SSH2: variants seen among roughly 807,000 people sequenced by gnomAD.
SSH2 encodes the protein slingshot protein phosphatase 2, also known as protein phosphatase Slingshot homolog 2.
Under a neutral mutation model 135.2 loss-of-function variants are expected in SSH2, and 37 were observed. That is an observed-to-expected ratio of 0.27 (90% CI 0.21 to 0.36). The LOEUF is 0.36. Among genes scored for constraint, SSH2 ranks in the 10% least tolerant of loss-of-function variants. The probability of loss-of-function intolerance (pLI) is 1.00; values close to 1 mark genes in which losing one functional copy is unlikely to be tolerated. For synonymous variants in SSH2, 628 were observed against 646.2 expected (o/e 0.97, Z 0.43); for missense variants, 1,408 against 1,765.3 (o/e 0.80, Z 3.63).
At chr17:29,689,686 G>T (rs1477556989) in intron 5 of SSH2, among the ~76,000 whole-genome samples, 1 of 152,036 alleles carries the variant, frequency 6.6e-6, no homozygotes, top group Non-Finnish European at 1.5e-5. Context: ...GTCATCCCCT[G>T]CCTCTTTATT....
At chr17:29,831,809 C>T (rs988438043) in intron 2 of SSH2, among the ~76,000 whole-genome samples, 2 of 151,968 alleles carry the variant, frequency 1.3e-5, no homozygotes, top group African/African-American at 4.8e-5. Flanking sequence ...CAACTCCTGG[C>T]CTCAGGTGAT....
In SSH2 at chr17:29,881,424, A is replaced by G. The variant is rs555488089; in HGVS notation, c.64-32495T>C. ...GAATTGTGAACAATCTGTAGTGCCT[A>G]TTTTCCCTCCTGTCTTTCTTTTGTT... is the stretch of plus-strand genomic sequence containing the variant. On this transcript the variant is annotated intron_variant, in intron 1 of 15. Transcript: ENST00000540801. Among the ~76,000 whole-genome samples, 4 of 151,962 alleles carry G rather than the reference A, an allele frequency of 2.6e-5. No individual in the cohort carries two copies. In the East Asian group the frequency reaches 5.8e-4, roughly 22 times the overall value.
chr17:29,851,226 A>C (rs2065552527), intron 1 of SSH2, among the ~76,000 whole-genome samples: 1 of 152,160 alleles, frequency 6.6e-6, no homozygotes, highest in Non-Finnish European at 1.5e-5. Flanking sequence ...AATCTTCCCA[A>C]GCTCTCATAC....
chr17:29,720,009 T>C (rs991566189), intron 3 of SSH2, among the ~76,000 whole-genome samples: 1 of 152,238 alleles, frequency 6.6e-6, no homozygotes, highest in Non-Finnish European at 1.5e-5. Flanking sequence ...TTCACCTGCC[T>C]TGGCCTACTA....
chr17:29,795,927 G>A (rs527327705), intron 2 of SSH2, among the ~76,000 whole-genome samples: 1 of 152,236 alleles, frequency 6.6e-6, no homozygotes, highest in South Asian at 2.1e-4. Context: ...TTTTTTAGTA[G>A]AGATGGGGTT....
chr17:29,749,197 C>A (rs111806184), intron 3 of SSH2, among the ~76,000 whole-genome samples: 7 of 152,320 alleles, frequency 4.6e-5, no homozygotes, highest in South Asian at 2.1e-4. Context: ...TCTTTTCACA[C>A]AAGCCCACTA....
intron 2 of SSH2, among the ~76,000 whole-genome samples, chr17:29,818,150 ATTT>A: frequency 6.6e-6 from 1 of 151,362 alleles, no homozygotes; most frequent in Admixed American, 6.6e-5. Flanking sequence ...GTTATGCAGT[ATTT>A]TTATTTGTAT....
intron 14 of SSH2, among the ~76,000 whole-genome samples, chr17:29,637,202 A>G (rs919661130): frequency 6.6e-6 from 1 of 152,126 alleles, no homozygotes; most frequent in African/African-American, 2.4e-5. Flanking sequence ...AGGTTCAAGC[A>G]ATTCTCCCAC....
chr17:29,927,443 A>T (rs189279720), intron 1 of SSH2, among the ~76,000 whole-genome samples: 2 of 152,336 alleles, frequency 1.3e-5, no homozygotes, highest in Admixed American at 1.3e-4. Context: ...AAGAGCTGGC[A>T]GTATTAAAAT....
intron 5 of SSH2, among the ~76,000 whole-genome samples, chr17:29,691,682 G>A (rs1232995016): frequency 2.0e-5 from 3 of 151,608 alleles, no homozygotes; most frequent in Non-Finnish European, 4.4e-5. Flanking sequence ...AGTAGAGACG[G>A]GGTTTCGCCG....
In SSH2 at chr17:29,849,862, A is replaced by AG. The variant is rs1184398646; in HGVS notation, c.64-934_64-933insC. Among the ~76,000 whole-genome samples, 502 of 116,020 alleles carry AG rather than the reference A, an allele frequency of 4.3e-3. 5 individuals are homozygous for AG. Among genetic ancestry groups the AG allele is most frequent in the African/African-American group, 0.023 (452 of 19,956 alleles). The allele number at this position is 116,020 out of a possible 152,430, so 76.1% of individuals were successfully genotyped here. A position where few individuals can be genotyped will look rare whatever the true frequency, so the allele number is the denominator to read the frequency against. Reference sequence around the variant, plus strand: ...TACAAAAAAAAAAAAAAAAGTATATATATATATATATATATATATTAGCCG... The same window carrying AG: ...TACAAAAAAAAAAAAAAAAGTATATAGTATATATATATATATATATTAGCCG... On this transcript the variant is annotated intron_variant, in intron 1 of 15. Transcript: ENST00000540801.
intron 1 of SSH2, among the ~76,000 whole-genome samples, chr17:29,927,720 A>G (rs1231911250): frequency 6.6e-6 from 1 of 152,230 alleles, no homozygotes; most frequent in Non-Finnish European, 1.5e-5. Context: ...GAAGTCCAAT[A>G]GGAAGACAAT....
chr17:29,777,940 T>G (rs2041745988), intron 3 of SSH2, among the ~76,000 whole-genome samples: 1 of 152,066 alleles, frequency 6.6e-6, no homozygotes, highest in African/African-American at 2.4e-5. Flanking sequence ...TCAAGAGTTC[T>G]TGACTGTCAG....
At chr17:29,693,143 T>C (rs769316288) in intron 5 of SSH2, among the ~76,000 whole-genome samples, 5 of 152,044 alleles carry the variant, frequency 3.3e-5, no homozygotes, top group Admixed American at 6.5e-5. Context: ...AGACAGGGTT[T>C]TGCCATGTTG....
intron 2 of SSH2, among the ~76,000 whole-genome samples, chr17:29,801,528 G>A (rs1423984842): frequency 6.6e-6 from 1 of 152,162 alleles, no homozygotes; most frequent in East Asian, 1.9e-4. Flanking sequence ...TTCAAAGCTA[G>A]TTTCAAACAC....
intron 3 of SSH2, among the ~76,000 whole-genome samples, chr17:29,719,074 G>T (rs1334353959): frequency 1.3e-5 from 2 of 152,008 alleles, no homozygotes; most frequent in Non-Finnish European, 2.9e-5. Flanking sequence ...ATACTGGGCG[G>T]CAACAACCAC....
intron 3 of SSH2, among the ~76,000 whole-genome samples, chr17:29,760,592 G>A (rs1262474458): frequency 6.6e-6 from 1 of 152,088 alleles, no homozygotes; most frequent in Non-Finnish European, 1.5e-5. Flanking sequence ...CTTGGGCTGT[G>A]AGCACGTACC....
intron 1 of SSH2, among the ~76,000 whole-genome samples, chr17:29,905,796 G>A (rs1256760245): frequency 6.6e-6 from 1 of 152,144 alleles, no homozygotes; most frequent in Non-Finnish European, 1.5e-5. Flanking sequence ...CTGCCCATGG[G>A]CCAATCTGCA....
intron 15 of SSH2, among the ~76,000 whole-genome samples, chr17:29,634,147 A>AG (rs1491297140): frequency 6.6e-6 from 1 of 152,246 alleles, no homozygotes; most frequent in Non-Finnish European, 1.5e-5. Flanking sequence ...GAAAGGAAAC[A>AG]GGGGCACAGC....
Sources: allele counts gnomAD v4.1 joint callset (sites outside exome capture counted in the v4.1 genomes callset), GRCh38; gene constraint gnomAD v4.1.1; transcripts MANE v1.5; gene names NCBI Gene and HGNC (gene_info 2026-07-23, HGNC 2026-07-21).